The following TRPC4AP variants were observed in gnomAD, a reference collection of about 807,000 sequenced individuals.
TRPC4AP encodes the protein short transient receptor potential channel 4-associated protein.
Under a neutral mutation model 99.0 loss-of-function variants are expected in TRPC4AP, and 45 were observed. That is an observed-to-expected ratio of 0.45 (90% CI 0.36 to 0.58). The LOEUF (loss-of-function observed/expected upper bound fraction) is 0.58. TRPC4AP is among the 20% of genes least tolerant of loss of function. The pLI is 0.00. For synonymous variants in TRPC4AP, 408 were observed against 385.8 expected (o/e 1.06, Z -0.67); for missense variants, 879 against 985.3 (o/e 0.89, Z 1.44).
chr20:35,042,060 G>A (rs1264589743), intron 7 of TRPC4AP, among the ~76,000 whole-genome samples: 2 of 152,184 alleles, frequency 1.3e-5, no homozygotes, highest in African/African-American at 2.4e-5. Flanking sequence ...TGTGCACAAC[G>A]TGCAGGTTTG....
At chr20:35,061,716 G>C (rs571154939) in intron 3 of TRPC4AP, among the ~76,000 whole-genome samples, 3 of 152,068 alleles carry the variant, frequency 2.0e-5, no homozygotes, top group Non-Finnish European at 4.4e-5. Flanking sequence ...CAATGCAAAT[G>C]GATCAAAGAT....
rs1190359079 is a variant in TRPC4AP at position 35,002,621 on chromosome 20, G to A, written c.*525C>T. On this transcript the variant is annotated 3_prime_UTR_variant, in exon 19 of 19. Transcript: ENST00000252015. ...CCCTTGGATGAACACAGCGGCCAAT[G>A]AGCAAACAGAACCAGAGGAGCTACA... The A allele has an allele frequency of 5.7e-6, 1 of 174,922 alleles. No homozygotes were observed. The highest frequency in any genetic ancestry group is 1.2e-5 in the Non-Finnish European group (1 of 83,172). The allele number at this position is 174,922 out of a possible 1,614,324, so 10.8% of individuals were successfully genotyped here.
intron 1 of TRPC4AP, among the ~76,000 whole-genome samples, chr20:35,086,417 G>C (rs1434683881): frequency 6.7e-6 from 1 of 148,668 alleles, no homozygotes; most frequent in East Asian, 2.0e-4. Flanking sequence ...ACTTCCCATT[G>C]AAATGAATGG....
chr20:35,049,650 G>T (rs2083649233), intron 6 of TRPC4AP, among the ~76,000 whole-genome samples: 1 of 152,182 alleles, frequency 6.6e-6, no homozygotes, highest in Non-Finnish European at 1.5e-5. Flanking sequence ...CTGAGTTTTA[G>T]AATTAGTTTG....
intron 16 of TRPC4AP, among the ~76,000 whole-genome samples, chr20:35,005,329 TG>T (rs977503627): frequency 4.6e-5 from 7 of 152,116 alleles, no homozygotes; most frequent in Non-Finnish European, 8.8e-5. Context: ...CGCATACACA[TG>T]GAAGTGCGTT....
intron 3 of TRPC4AP, among the ~76,000 whole-genome samples, chr20:35,061,871 T>C (rs763175181): frequency 1.3e-5 from 2 of 152,192 alleles, no homozygotes; most frequent in African/African-American, 4.8e-5. Flanking sequence ...TTAAAGACTT[T>C]GTGTTTCAAA....
intron 1 of TRPC4AP, 147 bp from the exon 2 acceptor site, chr20:35,078,321 A>T (rs2084539488): frequency 6.4e-6 from 5 of 776,040 alleles, no homozygotes; most frequent in African/African-American, 1.8e-5. Context: ...CTTTCTATAA[A>T]TCTTCAAAAC....
Position 35,055,005 on chromosome 20 carries a change from A to G in TRPC4AP, c.499T>C (p.Leu167=). The change falls in exon 5 of 19, where the codon TTG becomes CTG. Residue 167 remains leucine, a synonymous_variant. Transcript: ENST00000252015. ...KISDEMSKDC[L]SILYNTCVCT... ...ACACAGGTATTATACAGGATACTCA[A>G]GCAGTCCTTGGACATTTCATCACTT... 6.2e-7 allele frequency: 1 copy of G among 1,613,996 alleles called. No individual in the cohort carries two copies. Among genetic ancestry groups the G allele is most frequent in the Non-Finnish European group, 8.5e-7 (1 of 1,179,894 alleles).
At chr20:35,079,960 G>T (rs2180847) in intron 1 of TRPC4AP, among the ~76,000 whole-genome samples, 86,417 of 146,892 alleles carry the variant, frequency 0.59, 26,281 homozygotes, top group Middle Eastern at 0.74. Flanking sequence ...AGAATGAGGC[G>T]GCAGTGAGCT....
chr20:35,032,387 CT>C (rs1271064814), intron 8 of TRPC4AP, among the ~76,000 whole-genome samples: 1 of 150,846 alleles, frequency 6.6e-6, no homozygotes, highest in Non-Finnish European at 1.5e-5. Flanking sequence ...TACTTCCTAT[CT>C]TTTTATTGTT....
intron 2 of TRPC4AP, among the ~76,000 whole-genome samples, chr20:35,074,576 G>A (rs1167008795): frequency 6.6e-6 from 1 of 152,160 alleles, no homozygotes; most frequent in South Asian, 2.1e-4. Flanking sequence ...GTAGTTGAGT[G>A]GTTTTGAGTG....
Position 35,056,108 on chromosome 20 carries a change from T to C in TRPC4AP, c.473-1077A>G, listed in dbSNP as rs191825008. Among the ~76,000 whole-genome samples, 40 of 152,324 alleles carry C rather than the reference T, an allele frequency of 2.6e-4. 1 individual carries two copies. The East Asian group carries it at 7.7e-3, about 29-fold the overall frequency. On this transcript the variant is annotated intron_variant, in intron 4 of 18. Coordinates refer to ENST00000252015, the MANE Select transcript of TRPC4AP (RefSeq NM_015638.3). ...TAGCTTGACTAGATGGGTTGTCTCATAATCCTGAGACAACGCAGACGCTCT... is the reference window on the plus strand; with the variant it reads ...TAGCTTGACTAGATGGGTTGTCTCACAATCCTGAGACAACGCAGACGCTCT...
intron 8 of TRPC4AP, among the ~76,000 whole-genome samples, chr20:35,025,917 AC>A: frequency 6.6e-6 from 1 of 152,302 alleles, no homozygotes; most frequent in East Asian, 1.9e-4. Flanking sequence ...TTTAGCTCTT[AC>A]ATTTAGGTCT....
In TRPC4AP at chr20:35,084,280, A is replaced by G. The variant is rs1019591890; in HGVS notation, c.169-6106T>C. ...CGAGACTCCGTCCCAAAAAAAAAAA[A>G]GGTATACACAAGGCAAAACAATTTA... is the stretch of plus-strand genomic sequence containing the variant. On this transcript the variant is annotated intron_variant, in intron 1 of 18. Transcript: ENST00000252015. Among the ~76,000 whole-genome samples, 9 of 151,854 alleles carry G rather than the reference A, an allele frequency of 5.9e-5. No homozygotes were observed. The South Asian group carries it at 1.9e-3, about 31-fold the overall frequency.
intron 3 of TRPC4AP, among the ~76,000 whole-genome samples, chr20:35,062,324 T>C (rs753562571): frequency 3.3e-5 from 5 of 152,160 alleles, no homozygotes; most frequent in Admixed American, 6.5e-5. Flanking sequence ...GACAATCTAA[T>C]AGAAAATGAA....
intron 16 of TRPC4AP, 25 bp from the exon 17 acceptor site, chr20:35,004,595 C>T (rs1262758994): frequency 6.2e-6 from 10 of 1,604,618 alleles, no homozygotes; most frequent in Middle Eastern, 1.6e-4. Context: ...AGGGGTGCAG[C>T]AGGTCAGGCT....
intron 1 of TRPC4AP, 41 bp from the exon 2 acceptor site, chr20:35,078,215 G>C (rs1374582964): frequency 6.3e-7 from 1 of 1,594,024 alleles, no homozygotes; most frequent in South Asian, 1.1e-5. Flanking sequence ...TTGTATTATT[G>C]ATGATAATAG....
chr20:35,084,544 GTA>G (rs548807714), intron 1 of TRPC4AP, among the ~76,000 whole-genome samples: 132 of 146,284 alleles, frequency 9.0e-4, no homozygotes, highest in Middle Eastern at 3.6e-3. Flanking sequence ...ATATGTATAT[GTA>G]TATATGTTTA....
At chr20:35,052,614 C>T (rs544158669) in intron 5 of TRPC4AP, among the ~76,000 whole-genome samples, 23 of 152,118 alleles carry the variant, frequency 1.5e-4, no homozygotes, top group Non-Finnish European at 2.6e-4. Context: ...TCTTGCCTCT[C>T]CTGAGTAGCT....
Sources: allele counts gnomAD v4.1 joint callset (sites outside exome capture counted in the v4.1 genomes callset), GRCh38; gene constraint gnomAD v4.1.1; transcripts MANE v1.5; gene names NCBI Gene and HGNC (gene_info 2026-07-23, HGNC 2026-07-21).